Variants in MSRA observed in about 807,000 individuals in gnomAD.
The protein encoded by MSRA is methionine sulfoxide reductase A.
A neutral mutation model predicts 31.3 loss-of-function variants in MSRA; 54 were observed. That is an observed-to-expected ratio of 1.73 (90% CI 1.39 to 2.17). MSRA has a LOEUF of 2.17. Among genes scored for constraint, MSRA ranks in the 30% most tolerant of loss-of-function variants. MSRA has a pLI of 0.00. For synonymous variants in MSRA, 169 were observed against 116.5 expected (o/e 1.45, Z -2.90); for missense variants, 507 against 300.9 (o/e 1.69, Z -5.07).
chr8:10,221,501 G>A (rs943680411), intron 2 of MSRA, among the ~76,000 whole-genome samples: 3 of 152,040 alleles, frequency 2.0e-5, no homozygotes, highest in African/African-American at 7.2e-5. Context: ...AAGGCTCAGA[G>A]ACATTGACTT....
chr8:10,112,735 G>A (rs1271210377), intron 1 of MSRA, among the ~76,000 whole-genome samples: 1 of 152,176 alleles, frequency 6.6e-6, no homozygotes, highest in Non-Finnish European at 1.5e-5. Flanking sequence ...AGACCTATGG[G>A]AACATGATAG....
intron 1 of MSRA, among the ~76,000 whole-genome samples, chr8:10,056,527 T>TA (rs1802383090): frequency 6.7e-6 from 1 of 148,442 alleles, no homozygotes; most frequent in Middle Eastern, 3.3e-3. Flanking sequence ...CAGTAAACTT[T>TA]TTTTTTTTTT....
At chr8:10,206,155 A>C (rs1198614909) in intron 1 of MSRA, among the ~76,000 whole-genome samples, 1 of 152,214 alleles carries the variant, frequency 6.6e-6, no homozygotes, top group African/African-American at 2.4e-5. Flanking sequence ...AACCACTGAC[A>C]GGGCTGTGAG....
At chr8:10,424,465 G>C (rs1307282823) in intron 5 of MSRA, among the ~76,000 whole-genome samples, 3 of 151,006 alleles carry the variant, frequency 2.0e-5, no homozygotes, top group East Asian at 2.0e-4. Context: ...AGAAGGCCCG[G>C]GGTGGAGTGG....
intron 5 of MSRA, among the ~76,000 whole-genome samples, chr8:10,415,987 C>T (rs577969859): frequency 1.3e-5 from 2 of 152,104 alleles, no homozygotes; most frequent in Non-Finnish European, 2.9e-5. Context: ...CGTGTGTCCT[C>T]TCTCCTCCAA....
intron 5 of MSRA, among the ~76,000 whole-genome samples, chr8:10,392,888 TGCAAAAAA>T (rs1312379648): frequency 2.4e-4 from 2 of 8,378 alleles, no homozygotes; most frequent in Non-Finnish European, 4.8e-4. Context: ...CTACTAAAAA[TGCAAAAAA>T]AAAAAAAAAA....
At chr8:10,068,789 G>A (rs1395200724) in intron 1 of MSRA, among the ~76,000 whole-genome samples, 2 of 152,000 alleles carry the variant, frequency 1.3e-5, no homozygotes, top group African/African-American at 4.8e-5. Context: ...ATAAAGTTTA[G>A]AATCAGTTTG....
chr8:10,072,444 TACTC>T (rs1797781313), intron 1 of MSRA, among the ~76,000 whole-genome samples: 1 of 152,188 alleles, frequency 6.6e-6, no homozygotes, highest in African/African-American at 2.4e-5. Flanking sequence ...TCTGGGTCCT[TACTC>T]CCTCCCGTTG....
chr8:10,109,176 T>G (rs1455394699), intron 1 of MSRA, among the ~76,000 whole-genome samples: 1 of 152,152 alleles, frequency 6.6e-6, no homozygotes, highest in Non-Finnish European at 1.5e-5. Context: ...AGTGCCTGCC[T>G]TTAAAAAAAG....
Position 10,374,109 on chromosome 8 carries a change from G to T in MSRA, c.544-54039G>T, listed in dbSNP as rs75520162. ...GGCTGATTGATCGAGAAGTCAAGCCGCCTTATGTTCAGTGTAGTGAGCTGA... is the reference window on the plus strand; with the variant it reads ...GGCTGATTGATCGAGAAGTCAAGCCTCCTTATGTTCAGTGTAGTGAGCTGA... On this transcript the variant is annotated intron_variant, in intron 5 of 5. Transcript: ENST00000317173. 2.0e-5 allele frequency among the ~76,000 whole-genome samples: 3 copies of T among 152,288 alleles called. No homozygotes were observed. In the South Asian group the frequency reaches 6.2e-4, roughly 32 times the overall value.
chr8:10,059,168 A>G (rs1426488186), intron 1 of MSRA: 1 of 152,230 alleles, frequency 6.6e-6, no homozygotes. Context: ...CTGGGTAGCC[A>G]TATGGAAAAA....
In MSRA at chr8:10,128,320, C is replaced by T. The variant is rs557321018; in HGVS notation, c.142+73662C>T. Reference sequence around the variant, plus strand: ...CTTGAACCTGGGAGGCGGAGGTTGCCCTGAGCCGAGATTGCACCATTGCAC... The same window carrying T: ...CTTGAACCTGGGAGGCGGAGGTTGCTCTGAGCCGAGATTGCACCATTGCAC... On this transcript the variant is annotated intron_variant, in intron 1 of 5. Coordinates refer to ENST00000317173, the MANE Select transcript of MSRA (RefSeq NM_012331.5). Among the ~76,000 whole-genome samples, 172 of 151,582 alleles carry T rather than the reference C, an allele frequency of 1.1e-3. 1 individual carries two copies. Among genetic ancestry groups the T allele is most frequent in the Non-Finnish European group, 1.9e-3 (130 of 67,908 alleles).
chr8:10,402,763 T>A (rs1585694018), intron 5 of MSRA, among the ~76,000 whole-genome samples: 1 of 152,232 alleles, frequency 6.6e-6, no homozygotes, highest in Non-Finnish European at 1.5e-5. Context: ...GCAGTGATAC[T>A]TTTGCATAGT....
rs1451749199 is a variant in MSRA, at chr8:10,296,737, C to T, written c.332-4797C>T. The stretch of plus-strand genomic sequence containing the variant: ...AGGCCCCCCCAGCATGGGTGTGGGT[C>T]CCGAGGAAAGGCATGGCTCATTTGC... On this transcript the variant is annotated intron_variant, in intron 3 of 5. Transcript: ENST00000317173. Among the ~76,000 whole-genome samples, 3 of 152,300 alleles carry T rather than the reference C, an allele frequency of 2.0e-5. No individual in the cohort carries two copies. The East Asian group carries it at 5.8e-4, about 29-fold the overall frequency.
At chr8:10,097,118 T>C (rs1287664300) in intron 1 of MSRA, among the ~76,000 whole-genome samples, 3 of 152,194 alleles carry the variant, frequency 2.0e-5, no homozygotes, top group Non-Finnish European at 2.9e-5. Flanking sequence ...CACATGTTTT[T>C]TATAAAATTA....
intron 1 of MSRA, among the ~76,000 whole-genome samples, chr8:10,087,319 C>G (rs1181860497): frequency 7.0e-6 from 1 of 143,390 alleles, no homozygotes; most frequent in Non-Finnish European, 1.5e-5. Context: ...TACCACAGCT[C>G]ATGCATGGCT....
intron 1 of MSRA, among the ~76,000 whole-genome samples, chr8:10,170,929 T>C (rs1805535153): frequency 6.6e-6 from 1 of 152,242 alleles, no homozygotes; most frequent in East Asian, 1.9e-4. Context: ...TTCCTTTTCT[T>C]ATTGTGCTAG....
intron 1 of MSRA, among the ~76,000 whole-genome samples, chr8:10,080,445 G>A (rs1798236312): frequency 1.3e-5 from 2 of 151,940 alleles, no homozygotes; most frequent in African/African-American, 2.4e-5. Flanking sequence ...TCCAGGAGCC[G>A]AGGTTCTTTC....
chr8:10,293,905 CA>C (rs1192257804), intron 3 of MSRA, among the ~76,000 whole-genome samples: 1 of 152,116 alleles, frequency 6.6e-6, no homozygotes, highest in Non-Finnish European at 1.5e-5. Context: ...CTTTCCTTAA[CA>C]CTAAGAATCA....
Sources: allele counts gnomAD v4.1 joint callset (sites outside exome capture counted in the v4.1 genomes callset), GRCh38; gene constraint gnomAD v4.1.1; transcripts MANE v1.5; gene names NCBI Gene and HGNC (gene_info 2026-07-23, HGNC 2026-07-21).